Variants in DOK6 observed in about 807,000 individuals in gnomAD.
The protein encoded by DOK6 is downstream of tyrosine kinase 6.
A neutral mutation model predicts 44.0 loss-of-function variants in DOK6; 22 were observed. That is an observed-to-expected ratio of 0.50 (90% CI 0.36 to 0.71). The LOEUF is 0.71. Among genes scored for constraint, DOK6 ranks in the 30% least tolerant of loss-of-function variants. The pLI is 0.00. For synonymous variants in DOK6, 166 were observed against 145.5 expected, an observed-to-expected ratio of 1.14 and a Z score of -1.01; for missense variants, 340 against 416.4, an observed-to-expected ratio of 0.82 and a Z score of 1.60.
At chr18:69,831,604 T>C (rs1336821732) in intron 7 of DOK6, among the ~76,000 whole-genome samples, 3 of 152,188 alleles carry the variant, frequency 2.0e-5, no homozygotes, top group African/African-American at 7.2e-5. Flanking sequence ...CTTTATGGAT[T>C]GAAACCATTG....
At chr18:69,429,620 CATAT>C (rs143819043) in intron 1 of DOK6, among the ~76,000 whole-genome samples, 3,487 of 103,880 alleles carry the variant, frequency 0.034, 42 homozygotes, top group Middle Eastern at 0.058. Flanking sequence ...TTGAGGGATA[CATAT>C]ATATATATAT....
At chr18:69,679,275 C>T (rs1243751865) in intron 4 of DOK6, among the ~76,000 whole-genome samples, 4 of 152,184 alleles carry the variant, frequency 2.6e-5, no homozygotes, top group Non-Finnish European at 5.9e-5. Flanking sequence ...ATTATATTCT[C>T]ATTATTACTA....
At chr18:69,617,085 T>C (rs968358323) in intron 3 of DOK6, among the ~76,000 whole-genome samples, 4 of 49,574 alleles carry the variant, frequency 8.1e-5, no homozygotes, top group African/African-American at 2.0e-4. Flanking sequence ...TATATCCATA[T>C]ATTTGTTAAA....
intron 1 of DOK6, among the ~76,000 whole-genome samples, chr18:69,408,216 C>T (rs543954349): frequency 2.6e-5 from 4 of 152,174 alleles, no homozygotes; most frequent in African/African-American, 7.2e-5. Flanking sequence ...TCATGTGTAC[C>T]CTTCAAAGTC....
chr18:69,605,538 C>CT (rs1418195028), intron 3 of DOK6, among the ~76,000 whole-genome samples: 1 of 152,100 alleles, frequency 6.6e-6, no homozygotes, highest in Non-Finnish European at 1.5e-5. Flanking sequence ...TAAAACATCA[C>CT]TTTTTTCTGG....
intron 2 of DOK6, among the ~76,000 whole-genome samples, chr18:69,584,780 T>G (rs142852415): frequency 7.9e-4 from 116 of 147,598 alleles, no homozygotes; most frequent in African/African-American, 2.5e-3. Flanking sequence ...AAGTTTTCTG[T>G]TTTTTTTTCT....
At chr18:69,546,333 C>T (rs1982403624) in intron 1 of DOK6, among the ~76,000 whole-genome samples, 1 of 150,786 alleles carries the variant, frequency 6.6e-6, no homozygotes, top group South Asian at 2.1e-4. Context: ...CATACATATA[C>T]CTGTATGCAT....
intron 1 of DOK6, among the ~76,000 whole-genome samples, chr18:69,523,834 T>TA (rs1599172610): frequency 1.3e-5 from 2 of 152,084 alleles, no homozygotes; most frequent in East Asian, 3.9e-4. Context: ...CTCTTTTACT[T>TA]AAAGTAATGG....
At chr18:69,445,420 T>C (rs918641537) in intron 1 of DOK6, among the ~76,000 whole-genome samples, 2 of 152,234 alleles carry the variant, frequency 1.3e-5, no homozygotes, top group Non-Finnish European at 2.9e-5. Context: ...ATGCTAGTTA[T>C]GAACTTTTCA....
intron 4 of DOK6, among the ~76,000 whole-genome samples, chr18:69,688,669 C>T (rs1986202876): frequency 6.6e-6 from 1 of 152,114 alleles, no homozygotes; most frequent in African/African-American, 2.4e-5. Context: ...ATTGCAGGCA[C>T]CCCCCATCAC....
Position 69,519,878 on chromosome 18 carries a change from T to C in DOK6, c.67-44609T>C, listed in dbSNP as rs541052961. ...CTGGCATTGTCAATAAACCCTTAAA[T>C]AGAAAAGTCAGATACATTTAATAAG... On this transcript the variant is annotated intron_variant, in intron 1 of 7. Transcript: ENST00000382713. Among the ~76,000 whole-genome samples the C allele has an allele frequency of 4.6e-5, 7 of 151,980 alleles. No homozygotes were observed. The East Asian group carries it at 9.6e-4, about 21-fold the overall frequency.
intron 1 of DOK6, among the ~76,000 whole-genome samples, chr18:69,430,070 C>T (rs573324227): frequency 6.6e-6 from 1 of 152,190 alleles, no homozygotes; most frequent in South Asian, 2.1e-4. Flanking sequence ...ATCTTCAAAA[C>T]TCTTAATTAT....
intron 3 of DOK6, among the ~76,000 whole-genome samples, chr18:69,603,639 C>T (rs1004731611): frequency 2.5e-4 from 38 of 151,886 alleles, no homozygotes; most frequent in Non-Finnish European, 1.0e-4. Context: ...GGTGTGGTGG[C>T]GGGCGCCTGT....
chr18:69,406,624 A>G (rs1916211133), intron 1 of DOK6, among the ~76,000 whole-genome samples: 1 of 152,238 alleles, frequency 6.6e-6, no homozygotes, highest in African/African-American at 2.4e-5. Flanking sequence ...CAGTACTTAA[A>G]GAGATCTTTC....
chr18:69,426,922 T>C (rs1848468926), intron 1 of DOK6, among the ~76,000 whole-genome samples: 1 of 152,164 alleles, frequency 6.6e-6, no homozygotes, highest in South Asian at 2.1e-4. Context: ...GGGCTTGTTT[T>C]ACAGCTGATT....
chr18:69,425,017 ATTAG>A (rs1271550315), intron 1 of DOK6, among the ~76,000 whole-genome samples: 1 of 152,154 alleles, frequency 6.6e-6, no homozygotes. Context: ...ATTAGGTCAA[ATTAG>A]TTAGGTCAGA....
At chr18:69,767,555 C>A (rs1367654440) in intron 7 of DOK6, among the ~76,000 whole-genome samples, 2 of 152,042 alleles carry the variant, frequency 1.3e-5, no homozygotes, top group Non-Finnish European at 2.9e-5. Context: ...GAGAATGCCC[C>A]CACCCAAACA....
At chr18:69,567,959 G>T (rs1244449841) in intron 2 of DOK6, among the ~76,000 whole-genome samples, 2 of 152,202 alleles carry the variant, frequency 1.3e-5, no homozygotes, top group African/African-American at 4.8e-5. Context: ...ACTCACAGCT[G>T]CATGGCCAGC....
chr18:69,759,847 G>A (rs540385601), intron 7 of DOK6, among the ~76,000 whole-genome samples: 1 of 152,222 alleles, frequency 6.6e-6, no homozygotes, highest in Admixed American at 6.5e-5. Context: ...TGGTTGGTTG[G>A]TGATGATTAC....
Sources: gnomAD v4.1 joint callset for allele counts (sites outside exome capture counted in the v4.1 genomes callset) on GRCh38, gnomAD v4.1.1 for gene constraint, MANE v1.5 for transcripts, NCBI Gene and HGNC (gene_info 2026-07-23, HGNC 2026-07-21) for gene names.